ZNF704: variants seen among roughly 807,000 people sequenced by gnomAD.
ZNF704 encodes glucocorticoid induced gene 1.
Under a neutral mutation model 44.7 loss-of-function variants are expected in ZNF704, and 10 were observed. That is an observed-to-expected ratio of 0.22 (90% CI 0.14 to 0.38). The LOEUF (loss-of-function observed/expected upper bound fraction) is 0.38. ZNF704 is among the 10% of genes least tolerant of loss of function. ZNF704 has a pLI of 1.00. For synonymous variants in ZNF704, 211 were observed against 207.6 expected (o/e 1.02, Z -0.14); for missense variants, 390 against 545.5 (o/e 0.71, Z 2.84).
intron 2 of ZNF704, among the ~76,000 whole-genome samples, chr8:80,724,681 C>A (rs990771534): frequency 2.0e-5 from 3 of 152,182 alleles, no homozygotes; most frequent in African/African-American, 7.2e-5. Flanking sequence ...TTATACCCGA[C>A]TGAACCCAAG....
At chr8:80,745,357 C>A (rs559891999) in intron 2 of ZNF704, among the ~76,000 whole-genome samples, 2 of 152,054 alleles carry the variant, frequency 1.3e-5, no homozygotes, top group East Asian at 3.9e-4. Flanking sequence ...AGAAATTTCA[C>A]GGAATTCCCA....
intron 1 of ZNF704, among the ~76,000 whole-genome samples, chr8:80,859,422 T>C (rs964597013): frequency 6.6e-6 from 1 of 152,188 alleles, no homozygotes; most frequent in African/African-American, 2.4e-5. Context: ...TGTGTTGTGA[T>C]AGTGGGAAAG....
intron 2 of ZNF704, among the ~76,000 whole-genome samples, chr8:80,801,822 T>C (rs1807904731): frequency 1.3e-5 from 2 of 151,696 alleles, no homozygotes; most frequent in African/African-American, 4.8e-5. Flanking sequence ...ATAACCAAGA[T>C]CAGAGTTGAA....
At chr8:80,696,521 G>A (rs1275418402) in intron 2 of ZNF704, among the ~76,000 whole-genome samples, 4 of 152,146 alleles carry the variant, frequency 2.6e-5, no homozygotes, top group African/African-American at 4.8e-5. Context: ...GGGTTCAAGC[G>A]ATTCTTCTGC....
chr8:80,648,980 G>A (rs1460682279), intron 7 of ZNF704, among the ~76,000 whole-genome samples: 4 of 152,038 alleles, frequency 2.6e-5, no homozygotes, highest in African/African-American at 9.7e-5. Flanking sequence ...GCCCTATAAA[G>A]CAAATACTCT....
At chr8:80,814,992 CA>C (rs1808152822) in intron 2 of ZNF704, among the ~76,000 whole-genome samples, 1 of 152,128 alleles carries the variant, frequency 6.6e-6, no homozygotes, top group African/African-American at 2.4e-5. Flanking sequence ...AAATGGGAGC[CA>C]AATTAGTTCA....
At chr8:80,752,585 A>G (rs1806962880) in intron 2 of ZNF704, among the ~76,000 whole-genome samples, 1 of 150,790 alleles carries the variant, frequency 6.6e-6, no homozygotes, top group Non-Finnish European at 1.5e-5. Context: ...CTTGTTGCCC[A>G]GGCTGGAGTG....
chr8:80,862,146 G>A (rs2130043272), intron 1 of ZNF704, among the ~76,000 whole-genome samples: 1 of 151,354 alleles, frequency 6.6e-6, no homozygotes, highest in Non-Finnish European at 1.5e-5. Flanking sequence ...TGGGATTACA[G>A]GCACCCGCCA....
intron 1 of ZNF704, among the ~76,000 whole-genome samples, chr8:80,843,406 C>T (rs990450168): frequency 1.3e-5 from 2 of 152,184 alleles, no homozygotes; most frequent in African/African-American, 4.8e-5. Flanking sequence ...AAAGGTCACA[C>T]ATTCTGTTTT....
chr8:80,874,884 TA>T (rs1259120334), upstream of ZNF704: 2 of 152,100 alleles, frequency 1.3e-5, no homozygotes, highest in Admixed American at 1.3e-4. This position sits in a 1 kb window ranked among gnomAD's most constrained non-coding sequence, Gnocchi z 4.4. Flanking sequence ...AGCGATTGTC[TA>T]CCAATCTCAC....
intron 2 of ZNF704, among the ~76,000 whole-genome samples, chr8:80,709,504 A>G (rs1010527496): frequency 6.6e-6 from 1 of 150,448 alleles, no homozygotes; most frequent in East Asian, 1.9e-4. Flanking sequence ...TGACTCTTCC[A>G]AGAAGCAGAC....
upstream of ZNF704, among the ~76,000 whole-genome samples, chr8:80,875,180 T>G (rs1367213561): frequency 6.6e-6 from 1 of 152,200 alleles, no homozygotes; most frequent in Non-Finnish European, 1.5e-5. Flanking sequence ...GCACATAACA[T>G]GACTAATTTT....
At chr8:80,757,797 G>A (rs554746571) in intron 2 of ZNF704, among the ~76,000 whole-genome samples, 13 of 152,250 alleles carry the variant, frequency 8.5e-5, no homozygotes, top group South Asian at 4.1e-4. Flanking sequence ...GCAGTATTCC[G>A]TACAATAACA....
rs73692127 is a variant in ZNF704, at chr8:80,754,692, T to C, written c.222-61585A>G. On this transcript the variant is annotated intron_variant, in intron 2 of 8. Coordinates refer to ENST00000327835, the MANE Select transcript of ZNF704 (RefSeq NM_001033723.3). ...AGGCCTCCTCCTTCCAGGCCTAGGG[T>C]AGATTGTAAGCCCTGCTCCCCTGCA... Among the ~76,000 whole-genome samples the C allele has an allele frequency of 1.4e-3, 207 of 152,156 alleles. 1 individual carries two copies. The highest frequency in any genetic ancestry group is 4.8e-3 in the African/African-American group (200 of 41,512).
intron 2 of ZNF704, among the ~76,000 whole-genome samples, chr8:80,810,869 G>A (rs1409823032): frequency 6.6e-6 from 1 of 152,172 alleles, no homozygotes; most frequent in African/African-American, 2.4e-5. Context: ...CTGGCCCACA[G>A]TTGATGAAAC....
chr8:80,729,149 A>G (rs1806533559), intron 2 of ZNF704, among the ~76,000 whole-genome samples: 1 of 152,140 alleles, frequency 6.6e-6, no homozygotes, highest in Admixed American at 6.5e-5. Context: ...AAAGAATGGG[A>G]AGAAAACATA....
At chr8:80,701,056 C>T (rs546943894) in intron 2 of ZNF704, among the ~76,000 whole-genome samples, 67 of 152,222 alleles carry the variant, frequency 4.4e-4, no homozygotes, top group Middle Eastern at 3.4e-3. Flanking sequence ...GGTGGCTCAG[C>T]GGGGTTCTCC....
chr8:80,782,347 CAA>C, intron 2 of ZNF704, among the ~76,000 whole-genome samples: 1 of 152,292 alleles, frequency 6.6e-6, no homozygotes, highest in Non-Finnish European at 1.5e-5. Flanking sequence ...TATAAAAGCA[CAA>C]GTTGGAGGAG....
the ZNF704 span, among the ~76,000 whole-genome samples, chr8:80,883,731 CATCT>C: frequency 6.6e-6 from 1 of 152,080 alleles, no homozygotes; most frequent in Non-Finnish European, 1.5e-5. Flanking sequence ...GTTTTTTTCT[CATCT>C]ATCTACCTAA....
Sources: gnomAD v4.1 joint callset for allele counts (sites outside exome capture counted in the v4.1 genomes callset) on GRCh38, gnomAD v4.1.1 for gene constraint, Gnocchi (gnomAD v3.1) non-coding constraint, MANE v1.5 for transcripts, NCBI Gene and HGNC (gene_info 2026-07-23, HGNC 2026-07-21) for gene names.